Variants in KNL1 observed in about 807,000 individuals in gnomAD.
KNL1 encodes the protein kinetochore scaffold 1, also known as outer kinetochore KNL1 complex subunit KNL1.
Under a neutral mutation model 201.3 loss-of-function variants are expected in KNL1, and 66 were observed. That is an observed-to-expected ratio of 0.33 (90% CI 0.27 to 0.40). The LOEUF (loss-of-function observed/expected upper bound fraction) is 0.40. KNL1 is among the 10% of genes least tolerant of loss of function. KNL1 has a pLI of 1.00. For synonymous variants in KNL1, 895 were observed against 899.2 expected, an observed-to-expected ratio of 1.00 and a Z score of 0.08; for missense variants, 2,815 against 2,690.5, an observed-to-expected ratio of 1.05 and a Z score of -1.02.
At position 40,621,780 on chromosome 15, in the gene KNL1, G is replaced by T. The variant is rs373605288; in HGVS notation, c.1516G>T (p.Val506Leu). 3 of 1,613,802 alleles carry T rather than the reference G, an allele frequency of 1.9e-6. No homozygotes were observed. Among genetic ancestry groups the T allele is most frequent in the Non-Finnish European group, 2.5e-6 (3 of 1,179,870 alleles). The change falls in exon 10 of 26, where the codon GTG becomes TTG. Residue 506 changes from valine (V) to leucine (L), a missense_variant. Val to Leu is a conservative substitution (Grantham distance 32). This residue lies in a region of KNL1 where 2,464 missense variants were observed against 2,291.7 expected (regional missense o/e 1.08). Transcript: ENST00000399668. ...AATTTTTAAACAAGATCAATCAAATGTGCAAATAGCAGCTGCACCAACACC... is the reference window on the plus strand; with the variant it reads ...AATTTTTAAACAAGATCAATCAAATTTGCAAATAGCAGCTGCACCAACACC... ...NQIFKQDQSN[V>L]QIAAAPTPEK...
intron 1 of KNL1, among the ~76,000 whole-genome samples, chr15:40,599,676 C>T (rs1891728549): frequency 6.6e-6 from 1 of 152,046 alleles, no homozygotes; most frequent in Non-Finnish European, 1.5e-5. Context: ...AGCCACTGCC[C>T]CCAGCCCTTA....
intron 1 of KNL1, among the ~76,000 whole-genome samples, chr15:40,602,478 T>G (rs566243111): frequency 8.6e-6 from 1 of 116,930 alleles, no homozygotes; most frequent in African/African-American, 3.1e-5. Flanking sequence ...TTTTTTTCCT[T>G]CCTTTTTTTT....
intron 1 of KNL1, among the ~76,000 whole-genome samples, chr15:40,602,181 C>T (rs1449825749): frequency 6.6e-6 from 1 of 151,690 alleles, no homozygotes; most frequent in Non-Finnish European, 1.5e-5. Flanking sequence ...CGCCCGCCAC[C>T]GCGCCCAGCT....
chr15:40,645,192 C>A, intron 15 of KNL1, 105 bp downstream of exon 15: 1 of 721,248 alleles, frequency 1.4e-6, no homozygotes, highest in Non-Finnish European at 2.3e-6. Context: ...AGTTATTTAA[C>A]TTATTTTTTA....
intron 13 of KNL1, among the ~76,000 whole-genome samples, chr15:40,631,372 A>T (rs886746697): frequency 1.3e-5 from 2 of 152,148 alleles, no homozygotes; most frequent in Non-Finnish European, 2.9e-5. Context: ...AAAGGAGAAT[A>T]TTTAATGGCT....
In KNL1 at chr15:40,647,091, A is replaced by G. The variant is rs781523476; in HGVS notation, c.6094+17A>G. 2 of 1,258,920 alleles carry G rather than the reference A, an allele frequency of 1.6e-6. No homozygotes were observed. Among genetic ancestry groups the G allele is most frequent in the African/African-American group, 3.0e-5 (2 of 67,426 alleles). The allele number at this position is 1,258,920 out of a possible 1,614,324, so 78.0% of individuals were successfully genotyped here. A position where few individuals can be genotyped will look rare whatever the true frequency, so the allele number is the denominator to read the frequency against. On this transcript the variant is annotated intron_variant, in intron 17 of 25. Coordinates refer to ENST00000399668, the MANE Select transcript of KNL1 (RefSeq NM_144508.5). The stretch of plus-strand genomic sequence containing the variant: ...TGGAAACAGGTAAAGTATTTTAAAT[A>G]CTTTTCCAAAAGAAAATTTAATTTT...
chr15:40,600,614 C>T (rs1273735896), intron 1 of KNL1, among the ~76,000 whole-genome samples: 1 of 152,178 alleles, frequency 6.6e-6, no homozygotes, highest in Admixed American at 6.5e-5. Context: ...TTTCAGGTAC[C>T]TGTTTACTTA....
intron 17 of KNL1, 22 bp downstream of exon 17, chr15:40,647,096 T>C (rs377497360): frequency 4.2e-6 from 5 of 1,199,094 alleles, no homozygotes; most frequent in Non-Finnish European, 6.2e-6. Context: ...TAAATACTTT[T>C]CCAAAAGAAA....
intron 25 of KNL1, among the ~76,000 whole-genome samples, chr15:40,660,494 G>A (rs966875353): frequency 4.0e-5 from 6 of 151,160 alleles, no homozygotes; most frequent in Admixed American, 1.3e-4. Flanking sequence ...GTGAAACCCC[G>A]CCTCTACTAA....
chr15:40,634,646 G>A (rs372927649), intron 13 of KNL1, among the ~76,000 whole-genome samples: 3 of 152,192 alleles, frequency 2.0e-5, no homozygotes, highest in East Asian at 3.9e-4. Flanking sequence ...TAGATAGGGA[G>A]GAGAAAGGAG....
At position 40,623,010 on chromosome 15, in the gene KNL1, A is replaced by C. The variant is rs747451754; in HGVS notation, c.2746A>C (p.Ile916Leu). 6.2e-7 allele frequency: 1 copy of C among 1,613,888 alleles called. No homozygotes were observed. Among genetic ancestry groups the C allele is most frequent in the African/African-American group, 1.3e-5 (1 of 74,932 alleles). Reference sequence around the variant, plus strand: ...TACATGTAGGCAGGATGACATGGAGATCACTAGAAGTCACACAACTGCCTT... The same window carrying C: ...TACATGTAGGCAGGATGACATGGAGCTCACTAGAAGTCACACAACTGCCTT... The part of the protein sequence containing the change: ...LYTCRQDDME[I>L]TRSHTTALEC... The change falls in exon 10 of 26, where the codon ATC (isoleucine) becomes CTC (leucine). Residue 916 changes from isoleucine to leucine, a missense_variant. Transcript: ENST00000399668.
Position 40,610,261 on chromosome 15 carries a change from T to A in KNL1, c.214T>A (p.Ser72Thr). The A allele has an allele frequency of 6.6e-7, 1 of 1,506,634 alleles. No individual in the cohort carries two copies. Among genetic ancestry groups the A allele is most frequent in the Non-Finnish European group, 9.2e-7 (1 of 1,083,692 alleles). 93.3% of individuals were successfully genotyped at this position (1,506,634 alleles called of 1,614,324 possible). The change falls in exon 6 of 26, where the codon TCT (serine) becomes ACT (threonine). Residue 72 changes from serine (S) to threonine (T), a missense_variant. Physicochemically the swap from Ser to Thr is moderately conservative, Grantham distance 58. Around this residue, in one of 3 missense-constraint regions of KNL1, gnomAD observed 2,464 missense variants for 2,291.7 expected, o/e 1.08. Coordinates refer to ENST00000399668, the MANE Select transcript of KNL1 (RefSeq NM_144508.5). ...ADTIKVFQTE[S>T]HMKIVRKSEM... ...CTCTTCTAGGGTATTCCAGACGGAG[T>A]CTCATATGAAAATAGTGAGAAAGTC...
chr15:40,630,946 C>T (rs1892896140), intron 13 of KNL1, among the ~76,000 whole-genome samples: 1 of 151,826 alleles, frequency 6.6e-6, no homozygotes, highest in African/African-American at 2.4e-5. Flanking sequence ...ATGGCTGAAC[C>T]CGTCTCTAAA....
intron 21 of KNL1, among the ~76,000 whole-genome samples, chr15:40,653,197 A>AT (rs1893624130): frequency 6.6e-6 from 1 of 151,722 alleles, no homozygotes; most frequent in African/African-American, 2.4e-5. Flanking sequence ...ATTTTTATTT[A>AT]TTTATTTTTT....
Position 40,619,916 on chromosome 15 carries a change from C to T in KNL1, c.376-724C>T, listed in dbSNP as rs994598790. Among the ~76,000 whole-genome samples, 5 of 152,092 alleles carry T rather than the reference C, an allele frequency of 3.3e-5. No individual in the cohort carries two copies. In the South Asian group the frequency reaches 1.0e-3, roughly 31 times the overall value. On this transcript the variant is annotated intron_variant, in intron 9 of 25. Coordinates refer to ENST00000399668, the MANE Select transcript of KNL1 (RefSeq NM_144508.5). ...CCAAAACACTAAAAAGTAAATTACT[C>T]GCAGACTTTAGATTTCTTTTTCTTT...
intron 19 of KNL1, 135 bp from the exon 20 acceptor site, chr15:40,651,336 A>G: frequency 2.7e-6 from 1 of 374,666 alleles, no homozygotes; most frequent in Non-Finnish European, 4.8e-6. Context: ...GCAGAAATGG[A>G]TGCCATACAC....
At position 40,650,333 on chromosome 15, in the gene KNL1, A is replaced by G; in HGVS notation, c.6127A>G (p.Asn2043Asp). Residue 2043 changes from asparagine (N) to aspartate (D), a missense_variant, in exon 18 of 26, where the codon AAT becomes GAT. By Grantham distance (23) the Asn-to-Asp change is conservative. Transcript: ENST00000399668. ...TKNLEDEEKN[N>D]PVEEWDSEMR... ...GAATTTGGAGGATGAAGAGAAAAAC[A>G]ATCCTGTGGAAGAATGGGATTCTGA... The G allele has an allele frequency of 6.2e-7, 1 of 1,612,798 alleles. No individual in the cohort carries two copies. The highest frequency in any genetic ancestry group is 1.1e-5 in the South Asian group (1 of 91,012).
Position 40,621,027 on chromosome 15 carries a change from C to T in KNL1, c.763C>T (p.His255Tyr), listed in dbSNP as rs756346999. The T allele has an allele frequency of 3.7e-6, 6 of 1,606,910 alleles. No individual in the cohort carries two copies. Among genetic ancestry groups the T allele is most frequent in the African/African-American group, 2.7e-5 (2 of 74,472 alleles). The change falls in exon 10 of 26, where the codon CAT becomes TAT. Residue 255 changes from histidine (H) to tyrosine (Y), a missense_variant. Around this residue, in one of 3 missense-constraint regions of KNL1, gnomAD observed 2,464 missense variants for 2,291.7 expected, o/e 1.08. Coordinates refer to ENST00000399668, the MANE Select transcript of KNL1 (RefSeq NM_144508.5). ...GGAACCGAACAGTGCCTCTTCTACACATCAAATGCATGTATCTCTTAAGGA... is the reference window on the plus strand; with the variant it reads ...GGAACCGAACAGTGCCTCTTCTACATATCAAATGCATGTATCTCTTAAGGA... The part of the protein sequence containing the change: ...SKEPNSASST[H>Y]QMHVSLKEDE...
chr15:40,614,821 G>A (rs1442802590), intron 7 of KNL1, among the ~76,000 whole-genome samples: 1 of 152,082 alleles, frequency 6.6e-6, no homozygotes, highest in Non-Finnish European at 1.5e-5. Flanking sequence ...TTGTTTTAAG[G>A]CTCAAGTTTT....
Sources: gnomAD v4.1 joint callset for allele counts (sites outside exome capture counted in the v4.1 genomes callset) on GRCh38, gnomAD v4.1.1 for gene constraint, gnomAD v4.1.1 regional missense constraint, MANE v1.5 for transcripts, NCBI Gene and HGNC (gene_info 2026-07-23, HGNC 2026-07-21) for gene names.